ZMYM4: variants seen among roughly 807,000 people sequenced by gnomAD.
The protein encoded by ZMYM4 is zinc finger MYM-type protein 4.
In ZMYM4, 31 loss-of-function variants were observed where a neutral mutation model predicts 183.2. That is an observed-to-expected ratio of 0.17 (90% confidence interval 0.13 to 0.23). The LOEUF is 0.23. ZMYM4 is among the 10% of genes least tolerant of loss of function. The pLI, the probability that ZMYM4 is intolerant of heterozygous loss-of-function variation, is 1.00. For synonymous variants in ZMYM4, 592 were observed against 631.2 expected, an observed-to-expected ratio of 0.94 and a Z score of 0.93; for missense variants, 1,273 against 1,840.3, an observed-to-expected ratio of 0.69 and a Z score of 5.64.
intron 2 of ZMYM4, among the ~76,000 whole-genome samples, chr1:35,326,101 T>C (rs1642492950): frequency 6.6e-6 from 1 of 152,202 alleles, no homozygotes; most frequent in African/African-American, 2.4e-5. Flanking sequence ...CTAAATGTTG[T>C]TGATATGTTC....
At position 35,414,049 on chromosome 1, in the gene ZMYM4, C is replaced by G. The variant is rs762653297; in HGVS notation, c.4026C>G (p.Leu1342=). ...GATTTATGATTGAACTTACCAAACT[C>G]TTGAAAATATGGGAACCTACAATAC... ...YSRFMIELTK[L]LKIWEPTILP... is the part of the protein sequence containing the mutation. The change falls in exon 27 of 30, where the codon CTC becomes CTG. Residue 1342 remains leucine (L), a synonymous_variant. Coordinates refer to ENST00000314607, the MANE Select transcript of ZMYM4 (RefSeq NM_005095.3). 1 of 1,589,228 alleles carries G rather than the reference C, an allele frequency of 6.3e-7. No homozygotes were observed. The highest frequency in any genetic ancestry group is 1.2e-5 in the South Asian group (1 of 85,132).
At position 35,289,258 on chromosome 1, in the gene ZMYM4, G is replaced by A. The variant is rs376949038; in HGVS notation, c.39+20173G>A. On this transcript the variant is annotated intron_variant, in intron 1 of 29. Transcript: ENST00000314607. The stretch of plus-strand genomic sequence containing the variant: ...CTGTATATGAGATGAACTTCAGGGA[G>A]CAAGATGGGAAACAGAGGGTCAGTT... Among the ~76,000 whole-genome samples the A allele has an allele frequency of 9.2e-5, 14 of 152,302 alleles. 2 individuals carry two copies. The highest frequency in any genetic ancestry group is 2.9e-4 in the African/African-American group (12 of 41,570).
At chr1:35,287,879 C>A (rs1640582985) in intron 1 of ZMYM4, among the ~76,000 whole-genome samples, 1 of 152,180 alleles carries the variant, frequency 6.6e-6, no homozygotes, top group Non-Finnish European at 1.5e-5. Context: ...GCTAGGATTA[C>A]AGACGTGAGC....
At chr1:35,294,657 C>G (rs750445620) in intron 1 of ZMYM4, among the ~76,000 whole-genome samples, 2 of 152,078 alleles carry the variant, frequency 1.3e-5, no homozygotes, top group Non-Finnish European at 2.9e-5. Context: ...AAAGTTAGAT[C>G]TTTTTCTTAT....
chr1:35,316,157 T>C (rs1285144771), intron 1 of ZMYM4, among the ~76,000 whole-genome samples: 2 of 152,136 alleles, frequency 1.3e-5, no homozygotes, highest in Non-Finnish European at 2.9e-5. Context: ...CTTTATTATA[T>C]ATTAATTATA....
At chr1:35,320,805 G>A (rs969415804) in intron 1 of ZMYM4, among the ~76,000 whole-genome samples, 2 of 152,176 alleles carry the variant, frequency 1.3e-5, no homozygotes, top group Admixed American at 6.5e-5. Flanking sequence ...GTTCTGTGTT[G>A]CGAGACTGTT....
intron 1 of ZMYM4, among the ~76,000 whole-genome samples, chr1:35,277,924 G>T (rs1274009398): frequency 1.3e-5 from 2 of 152,060 alleles, no homozygotes; most frequent in African/African-American, 4.8e-5. Context: ...TCAATTTGTT[G>T]TATCTTTGAT....
In ZMYM4 at chr1:35,370,564, A is replaced by G; in HGVS notation, c.1118A>G (p.Tyr373Cys). The G allele has an allele frequency of 2.5e-6, 4 of 1,613,334 alleles. No homozygotes were observed. Among genetic ancestry groups the G allele is most frequent in the Non-Finnish European group, 3.4e-6 (4 of 1,179,618 alleles). ...LFCSTLCLTGYTVPPARPPPP... is the reference protein window; with the variant it reads ...LFCSTLCLTGCTVPPARPPPP... ...TGCTCCACACTGTGCCTCACTGGAT[A>G]TACAGTTCCACCTGCCCGCCCACCG... Residue 373 changes from tyrosine (Y) to cysteine (C), a missense_variant, in exon 7 of 30, where the codon TAT becomes TGT. Transcript: ENST00000314607.
chr1:35,349,886 A>G (rs1292742644), intron 2 of ZMYM4, among the ~76,000 whole-genome samples: 1 of 150,540 alleles, frequency 6.6e-6, no homozygotes, highest in Non-Finnish European at 1.5e-5. Context: ...TTAAGCTTTT[A>G]TTTAAAGCAA....
intron 1 of ZMYM4, chr1:35,309,141 C>A: frequency 1.4e-6 from 1 of 706,712 alleles, no homozygotes; most frequent in Non-Finnish European, 1.7e-6. Context: ...AGAAATGAAA[C>A]AAGATGACTT....
At chr1:35,345,687 T>C (rs1355960997) in intron 2 of ZMYM4, among the ~76,000 whole-genome samples, 1 of 152,202 alleles carries the variant, frequency 6.6e-6, no homozygotes, top group Non-Finnish European at 1.5e-5. Flanking sequence ...GCTCAATCAG[T>C]CCGCCTGCCT....
chr1:35,334,643 A>G (rs544637558), intron 2 of ZMYM4, among the ~76,000 whole-genome samples: 1 of 152,346 alleles, frequency 6.6e-6, no homozygotes, highest in South Asian at 2.1e-4. Flanking sequence ...TTTTAATAAT[A>G]GCTGTTATGG....
intron 1 of ZMYM4, among the ~76,000 whole-genome samples, chr1:35,286,552 T>C (rs953995242): frequency 3.3e-5 from 5 of 151,716 alleles, no homozygotes; most frequent in Non-Finnish European, 7.4e-5. Context: ...GTAAGTTGCT[T>C]ATTTCCCATT....
chr1:35,392,428 G>A (rs1272078702), intron 16 of ZMYM4, 76 bp downstream of exon 16: 1 of 1,527,084 alleles, frequency 6.5e-7, no homozygotes, highest in African/African-American at 1.4e-5. Context: ...CTTTCATCAG[G>A]GATTATTTTC....
intron 1 of ZMYM4, among the ~76,000 whole-genome samples, chr1:35,312,939 A>G (rs1250747010): frequency 6.6e-6 from 1 of 151,904 alleles, no homozygotes; most frequent in Non-Finnish European, 1.5e-5. Context: ...TGTCACCCGG[A>G]TTGGAGTGCA....
At chr1:35,349,780 AG>A (rs1407614525) in intron 2 of ZMYM4, among the ~76,000 whole-genome samples, 1 of 150,724 alleles carries the variant, frequency 6.6e-6, no homozygotes, top group African/African-American at 2.4e-5. Context: ...CAGTGAGCTG[AG>A]ATCATACCAC....
chr1:35,361,621 T>A lies in ZMYM4; in HGVS notation c.672T>A (p.Asp224Glu). Residue 224 changes from aspartate to glutamate, a missense_variant and splice_region_variant, in exon 5 of 30, where the codon GAT (aspartate) becomes GAA (glutamate). Physicochemically the swap from Asp to Glu is conservative, Grantham distance 45. This residue lies in a region of ZMYM4 where 384 missense variants were observed against 465.6 expected (regional missense o/e 0.82). Transcript: ENST00000314607. ...TAATCCTTTATATTGTGTTTTAGGATTCCAGCTACCCATTTGCCAATAAAG... is the reference window on the plus strand; with the variant it reads ...TAATCCTTTATATTGTGTTTTAGGAATCCAGCTACCCATTTGCCAATAAAG... Reference protein sequence around the residue: ...LPQTPETNFRDSSYPFANKES... With the variant: ...LPQTPETNFRESSYPFANKES... 1 of 1,610,912 alleles carries A rather than the reference T, an allele frequency of 6.2e-7. No homozygotes were observed. Among genetic ancestry groups the A allele is most frequent in the Non-Finnish European group, 8.5e-7 (1 of 1,179,144 alleles).
chr1:35,279,348 AG>A (rs1157876104), intron 1 of ZMYM4, among the ~76,000 whole-genome samples: 1 of 152,270 alleles, frequency 6.6e-6, no homozygotes, highest in East Asian at 1.9e-4. Context: ...TTACATATCA[AG>A]GGGGTCCATA....
intron 2 of ZMYM4, among the ~76,000 whole-genome samples, chr1:35,326,591 A>G (rs1038044736): frequency 2.0e-5 from 3 of 152,106 alleles, no homozygotes; most frequent in East Asian, 1.9e-4. Context: ...CCTTATTCCA[A>G]TTCAGGGTCA....
Sources: gnomAD v4.1 joint callset for allele counts (sites outside exome capture counted in the v4.1 genomes callset) on GRCh38, gnomAD v4.1.1 for gene constraint, gnomAD v4.1.1 regional missense constraint, MANE v1.5 for transcripts, NCBI Gene and HGNC (gene_info 2026-07-23, HGNC 2026-07-21) for gene names.